Variants in GRM3 observed in about 807,000 individuals in gnomAD.
The protein encoded by GRM3 is glutamate metabotropic receptor 3, also known as metabotropic glutamate receptor 3.
A neutral mutation model predicts 70.5 loss-of-function variants in GRM3; 26 were observed. The observed-to-expected ratio is 0.37, with a 90% confidence interval of 0.27 to 0.51. The LOEUF is 0.51. Among genes scored for constraint, GRM3 ranks in the 20% least tolerant of loss-of-function variants. The probability of loss-of-function intolerance (pLI) is 0.93; values close to 1 mark genes in which losing one functional copy is unlikely to be tolerated. For missense variants in GRM3, 859 were observed against 1,123.8 expected (o/e 0.76, Z 3.37); for synonymous variants, 443 against 434.9 (o/e 1.02, Z -0.23).
Position 86,713,529 on chromosome 7 carries a change from TA to T in GRM3, c.-140-51476del, listed in dbSNP as rs147535737. ...TCTCCCTTCATACCTTTGCTCATGT[TA>T]TTGTCTCAGTCTGACACAACCTCCA... is the stretch of plus-strand genomic sequence containing the variant. On this transcript the variant is annotated intron_variant, in intron 1 of 5. Transcript: ENST00000361669. Among the ~76,000 whole-genome samples the T allele has an allele frequency of 6.0e-3, 917 of 152,060 alleles. 9 individuals carry two copies. The highest frequency in any genetic ancestry group is 0.021 in the African/African-American group (870 of 41,484).
chr7:86,697,716 T>A (rs1462463526), intron 1 of GRM3, among the ~76,000 whole-genome samples: 1 of 152,038 alleles, frequency 6.6e-6, no homozygotes, highest in Non-Finnish European at 1.5e-5. Context: ...AAAATTGAAA[T>A]CCCTTTGCAA....
At chr7:86,858,357 A>C (rs1584283709) in intron 5 of GRM3, among the ~76,000 whole-genome samples, 1 of 152,204 alleles carries the variant, frequency 6.6e-6, no homozygotes, top group Non-Finnish European at 1.5e-5. Context: ...TCATGTGTTG[A>C]AAACTTAATC....
chr7:86,734,937 CTT>C (rs1195197469), intron 1 of GRM3, among the ~76,000 whole-genome samples: 1 of 152,052 alleles, frequency 6.6e-6, no homozygotes, highest in Non-Finnish European at 1.5e-5. Flanking sequence ...TGTAAAAGCT[CTT>C]TTCTCAAATT....
chr7:86,662,105 C>A (rs1793909075), intron 1 of GRM3, among the ~76,000 whole-genome samples: 1 of 151,824 alleles, frequency 6.6e-6, no homozygotes, highest in Non-Finnish European at 1.5e-5. Context: ...AATGTCTTAA[C>A]CAAATTTACT....
intron 5 of GRM3, among the ~76,000 whole-genome samples, chr7:86,851,589 G>C (rs1798755893): frequency 6.6e-6 from 1 of 152,120 alleles, no homozygotes; most frequent in African/African-American, 2.4e-5. Flanking sequence ...CTTCAAAATA[G>C]CTCAGCATCA....
In GRM3 at chr7:86,644,823, C is replaced by A; in HGVS notation, c.-190C>A. ...AGCCCGGGTGCAGGCTCACCGCCGCCGCTGCCACCGCGGTCAGCTCCAGTT... is the reference window on the plus strand; with the variant it reads ...AGCCCGGGTGCAGGCTCACCGCCGCAGCTGCCACCGCGGTCAGCTCCAGTT... On this transcript the variant is annotated 5_prime_UTR_variant, in exon 1 of 6. Coordinates refer to ENST00000361669, the MANE Select transcript of GRM3 (RefSeq NM_000840.3). The A allele has an allele frequency of 7.8e-7, 1 of 1,289,728 alleles. No individual in the cohort carries two copies. The highest frequency in any genetic ancestry group is 1.5e-5 in the African/African-American group (1 of 65,992). 79.9% of individuals were successfully genotyped at this position (1,289,728 alleles called of 1,614,324 possible). A position where few individuals can be genotyped will look rare whatever the true frequency, so the allele number is the denominator to read the frequency against.
At chr7:86,734,976 T>C (rs1795822734) in intron 1 of GRM3, among the ~76,000 whole-genome samples, 1 of 152,220 alleles carries the variant, frequency 6.6e-6, no homozygotes. Context: ...TTATTATTAC[T>C]ATTAGTAATG....
chr7:86,809,567 C>A (rs1179349722), intron 3 of GRM3, among the ~76,000 whole-genome samples: 4 of 151,938 alleles, frequency 2.6e-5, no homozygotes, highest in South Asian at 2.1e-4. Context: ...ACTTCTTTCC[C>A]CGTAATAATT....
At chr7:86,770,286 G>A (rs1032945781) in intron 2 of GRM3, among the ~76,000 whole-genome samples, 1 of 152,050 alleles carries the variant, frequency 6.6e-6, no homozygotes, top group Non-Finnish European at 1.5e-5. Context: ...TGGCTTAGAT[G>A]GCATGTAAAA....
At chr7:86,683,847 A>G (rs1428357653) in intron 1 of GRM3, among the ~76,000 whole-genome samples, 1 of 152,118 alleles carries the variant, frequency 6.6e-6, no homozygotes, top group Non-Finnish European at 1.5e-5. Flanking sequence ...TACAAAAGTG[A>G]TACTATAGAG....
At chr7:86,856,528 G>A (rs1295273120) in intron 5 of GRM3, among the ~76,000 whole-genome samples, 1 of 150,460 alleles carries the variant, frequency 6.6e-6, no homozygotes, top group Non-Finnish European at 1.5e-5. Flanking sequence ...TGAAATCTGT[G>A]CAGCAAACCC....
chr7:86,803,499 A>T (rs568721901), intron 3 of GRM3, among the ~76,000 whole-genome samples: 2 of 152,200 alleles, frequency 1.3e-5, no homozygotes, highest in East Asian at 1.9e-4. Flanking sequence ...GCATGATCTC[A>T]TGGTTTTATT....
At chr7:86,831,828 CTT>C (rs982398834) in intron 3 of GRM3, among the ~76,000 whole-genome samples, 2 of 137,324 alleles carry the variant, frequency 1.5e-5, no homozygotes, top group Non-Finnish European at 3.1e-5. Context: ...ATTTTAGTAT[CTT>C]TTCTCAAACA....
intron 3 of GRM3, among the ~76,000 whole-genome samples, chr7:86,824,791 T>A (rs1405448418): frequency 6.6e-6 from 1 of 151,740 alleles, no homozygotes; most frequent in Non-Finnish European, 1.5e-5. Flanking sequence ...ATGCAACAAA[T>A]TTATATATAT....
chr7:86,735,846 G>A (rs1474558712), intron 1 of GRM3, among the ~76,000 whole-genome samples: 1 of 152,136 alleles, frequency 6.6e-6, no homozygotes, highest in East Asian at 1.9e-4. Flanking sequence ...TAAAAACCCT[G>A]CAGAGCACTT....
chr7:86,813,731 A>G (rs1797960005), intron 3 of GRM3, among the ~76,000 whole-genome samples: 1 of 151,764 alleles, frequency 6.6e-6, no homozygotes, highest in African/African-American at 2.4e-5. Context: ...TGGTGGCCAG[A>G]ACTCTTGGGC....
At chr7:86,750,886 G>T (rs1442374788) in intron 1 of GRM3, among the ~76,000 whole-genome samples, 1 of 152,020 alleles carries the variant, frequency 6.6e-6, no homozygotes, top group African/African-American at 2.4e-5. Context: ...TACCTAAAAG[G>T]TCAGGATAGG....
chr7:86,758,340 C>T (rs1242300071), intron 1 of GRM3, among the ~76,000 whole-genome samples: 2 of 152,238 alleles, frequency 1.3e-5, no homozygotes, highest in East Asian at 3.9e-4. Context: ...TTTGAGAAAT[C>T]CAGTTTCTAC....
chr7:86,697,394 T>C (rs1367456053), intron 1 of GRM3, among the ~76,000 whole-genome samples: 4 of 151,718 alleles, frequency 2.6e-5, no homozygotes, highest in Admixed American at 2.6e-4. Flanking sequence ...GGATGGAAAA[T>C]ATTTACAATA....
Sources: gnomAD v4.1 joint callset for allele counts (sites outside exome capture counted in the v4.1 genomes callset) on GRCh38, gnomAD v4.1.1 for gene constraint, MANE v1.5 for transcripts, NCBI Gene and HGNC (gene_info 2026-07-23, HGNC 2026-07-21) for gene names.